Variants in CFAP43 observed in about 807,000 individuals in gnomAD.
CFAP43 encodes the protein cilia and flagella associated protein 43.
A neutral mutation model predicts 218.9 loss-of-function variants in CFAP43; 155 were observed. The observed-to-expected ratio is 0.71, with a 90% confidence interval of 0.62 to 0.81. The LOEUF (loss-of-function observed/expected upper bound fraction) is 0.81. CFAP43 is among the 30% of genes least tolerant of loss of function. The probability of loss-of-function intolerance (pLI) is 0.00; values close to 1 mark genes in which losing one functional copy is unlikely to be tolerated. For synonymous variants in CFAP43, 645 were observed against 681.3 expected (o/e 0.95, Z 0.83); for missense variants, 1,778 against 1,954.3 (o/e 0.91, Z 1.70).
chr10:104,213,952 A>AAGGACAAATAAAATT (rs1441119213), intron 4 of CFAP43, among the ~76,000 whole-genome samples: 2 of 152,224 alleles, frequency 1.3e-5, no homozygotes, highest in Non-Finnish European at 2.9e-5. Flanking sequence ...TTAAAATAGT[A>AAGGACAAATAAAATT]AGGACAAATA....
chr10:104,179,760 A>G (rs1227659891), intron 18 of CFAP43, 80 bp downstream of exon 18: 10 of 1,068,138 alleles, frequency 9.4e-6, no homozygotes, highest in African/African-American at 6.3e-5. Flanking sequence ...CTAACTTTCC[A>G]GTAGGTTTCC....
intron 12 of CFAP43, among the ~76,000 whole-genome samples, chr10:104,189,358 T>C (rs2090133925): frequency 1.3e-5 from 2 of 152,208 alleles, no homozygotes; most frequent in South Asian, 4.1e-4. Flanking sequence ...CACTGCAAAC[T>C]TCCTAAAATA....
intron 3 of CFAP43, among the ~76,000 whole-genome samples, chr10:104,218,347 CAAAAAAAAA>C (rs68078522): frequency 0.041 from 4,035 of 98,712 alleles, 196 homozygotes; most frequent in African/African-American, 0.12. Flanking sequence ...GACTGTGTCT[CAAAAAAAAA>C]AAAAAAAAAA....
chr10:104,215,864 C>A (rs1278673252), intron 3 of CFAP43, among the ~76,000 whole-genome samples: 1 of 152,170 alleles, frequency 6.6e-6, no homozygotes, highest in African/African-American at 2.4e-5. Flanking sequence ...CGCCTCCTCT[C>A]CCCTTACAAT....
At chr10:104,133,499 G>T in intron 35 of CFAP43, 121 bp downstream of exon 35, 2 of 1,079,430 alleles carry the variant, frequency 1.9e-6, no homozygotes, top group Non-Finnish European at 2.5e-6. Context: ...GATATATTTT[G>T]AAACACTCCT....
rs2088892569 is a variant in CFAP43, at chr10:104,161,850, T to C, written c.3414+111A>G. 5 of 918,686 alleles carry C rather than the reference T, an allele frequency of 5.4e-6. No individual in the cohort carries two copies. In the South Asian group the frequency reaches 6.3e-5, roughly 12 times the overall value. 56.9% of individuals were successfully genotyped at this position (918,686 alleles called of 1,614,324 possible). A position where few individuals can be genotyped will look rare whatever the true frequency, so the allele number is the denominator to read the frequency against. ...AGGTACTACGGAGGTTGTATAATAG[T>C]TGTTGCTGTAGAACTTCTAAAACCC... On this transcript the variant is annotated intron_variant, in intron 26 of 37. Coordinates refer to ENST00000357060, the MANE Select transcript of CFAP43 (RefSeq NM_025145.7).
At chr10:104,188,497 G>C in intron 12 of CFAP43, 87 bp from the exon 13 acceptor site, 1 of 1,494,602 alleles carries the variant, frequency 6.7e-7, no homozygotes, top group South Asian at 1.3e-5. Context: ...ATCATCCATG[G>C]ACTTGCCTTC....
At chr10:104,168,386 G>C (rs2089271616) in intron 21 of CFAP43, among the ~76,000 whole-genome samples, 1 of 152,166 alleles carries the variant, frequency 6.6e-6, no homozygotes, top group African/African-American at 2.4e-5. Context: ...TTAGAAAATG[G>C]GAAGGCAGGC....
intron 2 of CFAP43, among the ~76,000 whole-genome samples, chr10:104,229,351 T>C (rs2091385570): frequency 6.6e-6 from 1 of 152,028 alleles, no homozygotes; most frequent in African/African-American, 2.4e-5. Context: ...GGGTCAGCTG[T>C]ATCTAAGAAA....
chr10:104,213,544 ATT>A (rs372205974), intron 4 of CFAP43, among the ~76,000 whole-genome samples: 2 of 146,628 alleles, frequency 1.4e-5, no homozygotes, highest in East Asian at 2.0e-4. Flanking sequence ...TAATCTGCAT[ATT>A]TTTTTTTTTA....
chr10:104,153,874 A>G (rs968107226), intron 27 of CFAP43, among the ~76,000 whole-genome samples: 5 of 150,604 alleles, frequency 3.3e-5, no homozygotes, highest in African/African-American at 1.2e-4. Context: ...TAATTTGCAG[A>G]CACTTGAGGA....
At chr10:104,229,976 C>G (rs2091407822) in intron 2 of CFAP43, among the ~76,000 whole-genome samples, 1 of 152,152 alleles carries the variant, frequency 6.6e-6, no homozygotes, top group African/African-American at 2.4e-5. Context: ...ATATGAATCA[C>G]CTGGGAATTT....
intron 2 of CFAP43, among the ~76,000 whole-genome samples, chr10:104,229,952 A>G (rs754262648): frequency 6.7e-4 from 102 of 152,224 alleles, no homozygotes; most frequent in Non-Finnish European, 1.3e-3. Context: ...AGTGCTTCTC[A>G]AAGTTTAATG....
At chr10:104,182,303 G>T in intron 17 of CFAP43, 63 bp downstream of exon 17, 1 of 1,456,694 alleles carries the variant, frequency 6.9e-7, no homozygotes, top group Non-Finnish European at 9.1e-7. Flanking sequence ...ACCACAAACC[G>T]AAAACTTCTG....
intron 12 of CFAP43, among the ~76,000 whole-genome samples, chr10:104,191,751 A>T (rs919032941): frequency 8.9e-5 from 13 of 146,762 alleles, no homozygotes; most frequent in Admixed American, 3.5e-4. Context: ...CAAAAAAAAA[A>T]TTTTTTTTAA....
chr10:104,218,275 G>C (rs182164687), intron 3 of CFAP43, among the ~76,000 whole-genome samples: 8 of 149,804 alleles, frequency 5.3e-5, no homozygotes, highest in African/African-American at 2.0e-4. Flanking sequence ...GTGAACCCGG[G>C]AGGCAGAGGT....
chr10:104,202,038 A>G (rs1447994729), intron 8 of CFAP43, among the ~76,000 whole-genome samples: 2 of 152,226 alleles, frequency 1.3e-5, no homozygotes, highest in South Asian at 2.1e-4. Flanking sequence ...CAAACCATGT[A>G]GTCTCTGCCA....
intron 9 of CFAP43, among the ~76,000 whole-genome samples, 184 bp downstream of exon 9, chr10:104,197,738 G>A (rs556438394): frequency 6.6e-6 from 1 of 152,208 alleles, no homozygotes; most frequent in African/African-American, 2.4e-5. Context: ...TAACCGGGGG[G>A]TAGATTTGAA....
intron 3 of CFAP43, among the ~76,000 whole-genome samples, chr10:104,216,841 G>A (rs2091024833): frequency 6.6e-6 from 1 of 152,096 alleles, no homozygotes; most frequent in African/African-American, 2.4e-5. Context: ...TGGGATGCAT[G>A]AGCTCTTGCC....
Sources: allele counts gnomAD v4.1 joint callset (sites outside exome capture counted in the v4.1 genomes callset), GRCh38; gene constraint gnomAD v4.1.1; transcripts MANE v1.5; gene names NCBI Gene and HGNC (gene_info 2026-07-23, HGNC 2026-07-21).